SCARB1: variants seen among roughly 807,000 people sequenced by gnomAD.
SCARB1 encodes the protein scavenger receptor class B member 1, also known as CD36 and LIMPII analogous 1.
In SCARB1, 30 loss-of-function variants were observed where a neutral mutation model predicts 57.2. The ratio of observed to expected loss-of-function variants is 0.52; its 90% CI spans 0.39 to 0.71. The LOEUF (loss-of-function observed/expected upper bound fraction) is 0.71. Among genes scored for constraint, SCARB1 ranks in the 30% least tolerant of loss-of-function variants. The pLI is 0.00. For missense variants in SCARB1, 543 were observed against 671.2 expected, an observed-to-expected ratio of 0.81 and a Z score of 2.11; for synonymous variants, 249 against 268.3, an observed-to-expected ratio of 0.93 and a Z score of 0.70.
Position 124,778,135 on chromosome 12 carries a change from G to A in SCARB1, c.*452C>T, listed in dbSNP as rs901958835. 35 of 251,968 alleles carry A rather than the reference G, an allele frequency of 1.4e-4. No individual in the cohort carries two copies. The highest frequency in any genetic ancestry group is 6.4e-4 in the African/African-American group (29 of 45,044). 15.6% of individuals were successfully genotyped at this position (251,968 alleles called of 1,614,324 possible). A position where few individuals can be genotyped will look rare whatever the true frequency, so the allele number is the denominator to read the frequency against. On this transcript the variant is annotated 3_prime_UTR_variant, in exon 13 of 13. Coordinates refer to ENST00000261693, the MANE Select transcript of SCARB1 (RefSeq NM_005505.5). ...CCCACTGAATTTGGCACAGGAAGGC[G>A]GCACTCCCAGCCTGGCCCGTCCTGC...
In SCARB1 at chr12:124,778,586, C is replaced by G; in HGVS notation, c.*1G>C. ...GGCTGGCTCACGGTGTCCTCAGGAC[C>G]CTGTGGAGAAAGGCAAAGCTGGGTG... On this transcript the variant is annotated splice_region_variant and 3_prime_UTR_variant, in exon 13 of 13. Transcript: ENST00000261693. 1.4e-6 allele frequency: 2 copies of G among 1,411,066 alleles called. No homozygotes were observed. 87.4% of individuals were successfully genotyped at this position (1,411,066 alleles called of 1,614,324 possible). A position where few individuals can be genotyped will look rare whatever the true frequency, so the allele number is the denominator to read the frequency against.
At chr12:124,830,747 G>A (rs575465074) in intron 1 of SCARB1, among the ~76,000 whole-genome samples, 5 of 152,152 alleles carry the variant, frequency 3.3e-5, no homozygotes, top group African/African-American at 4.8e-5. Flanking sequence ...ACCTCTAACC[G>A]AAATTGTGCA....
chr12:124,863,623 G>C lies in SCARB1; in HGVS notation c.98C>G (p.Pro33Arg). ...AAGGACCTGCTGCTTGATGAGCGAC[G>C]GCACCATCACGATCATGACAGCGCC... ...VLGAVMIVMV[P>R]SLIKQQVLKN... The change falls in exon 1 of 13, where the codon CCG (proline) becomes CGG (arginine). Residue 33 changes from proline (P) to arginine (R), a missense_variant. Coordinates refer to ENST00000261693, the MANE Select transcript of SCARB1 (RefSeq NM_005505.5). The C allele has an allele frequency of 2.5e-6, 4 of 1,601,362 alleles. No homozygotes were observed. The highest frequency in any genetic ancestry group is 2.2e-5 in the South Asian group (2 of 89,228).
rs573011022 is a variant in SCARB1, at chr12:124,793,924, C to T, written c.1202+1271G>A. ...GGAAACAACTCAAACGTCCATCAAC[C>T]GATAAATAAATGTGGTCTATCCAGA... On this transcript the variant is annotated intron_variant, in intron 9 of 12. Transcript: ENST00000261693. Among the ~76,000 whole-genome samples, 126 of 152,184 alleles carry T rather than the reference C, an allele frequency of 8.3e-4. 1 individual carries two copies. The highest frequency in any genetic ancestry group is 6.8e-3 in the Middle Eastern group (2 of 294).
rs181950732 is a variant in SCARB1 at position 124,797,504 on chromosome 12, G to A, written c.1129-2236C>T. On this transcript the variant is annotated intron_variant, in intron 8 of 12. Transcript: ENST00000261693. ...ATAAAGGCCACTTCCTCTCCCCGTCGGCCTCAAGCTCATCTGGAGGTAGAA... is the reference window on the plus strand; with the variant it reads ...ATAAAGGCCACTTCCTCTCCCCGTCAGCCTCAAGCTCATCTGGAGGTAGAA... Among the ~76,000 whole-genome samples the A allele has an allele frequency of 2.4e-3, 364 of 152,302 alleles. 1 individual carries two copies. The highest frequency in any genetic ancestry group is 1.4e-3 in the Non-Finnish European group (94 of 68,034).
rs751077813 is a variant in SCARB1 at position 124,807,235 on chromosome 12, T to C, written c.1009+526A>G. Among the ~76,000 whole-genome samples, 1 of 151,998 alleles carries C rather than the reference T, an allele frequency of 6.6e-6. No homozygotes were observed. The highest frequency in any genetic ancestry group is 1.5e-5 in the Non-Finnish European group (1 of 67,986). ...AATAATAAACAAGATGGGGAGATTG[T>C]CCTGGGGTATCCAGGAGAGCACGAT... On this transcript the variant is annotated intron_variant, in intron 7 of 12. Coordinates refer to ENST00000261693, the MANE Select transcript of SCARB1 (RefSeq NM_005505.5). This position sits in a 1 kb window ranked among gnomAD's most constrained non-coding sequence, Gnocchi z 5.3.
intron 1 of SCARB1, among the ~76,000 whole-genome samples, chr12:124,832,322 C>G (rs1257547748): frequency 1.3e-5 from 2 of 152,154 alleles, no homozygotes; most frequent in Non-Finnish European, 2.9e-5. Flanking sequence ...GAGTTGGAGA[C>G]TAGCCTGGCC....
chr12:124,786,164 C>T (rs770726968), intron 11 of SCARB1, 193 bp downstream of exon 11: 14 of 1,556,824 alleles, frequency 9.0e-6, no homozygotes, highest in Admixed American at 1.9e-5. Context: ...GTAGTGGCAA[C>T]GCGGCATGCA....
chr12:124,784,382 C>T (rs367730274), intron 11 of SCARB1: 3 of 152,264 alleles, frequency 2.0e-5, no homozygotes, highest in East Asian at 1.9e-4. Context: ...CATTGTTCAT[C>T]GGGAGCTCAA....
In SCARB1 at chr12:124,778,342, C is replaced by A; in HGVS notation, c.*245G>T. On this transcript the variant is annotated 3_prime_UTR_variant, in exon 13 of 13. Transcript: ENST00000261693. The stretch of plus-strand genomic sequence containing the variant: ...TCCAGAACAGTGCTTGTTGACGAGC[C>A]TCTCCCTACAAGTCCCTTCAGCAGC... 1 of 991,248 alleles carries A rather than the reference C, an allele frequency of 1.0e-6. No individual in the cohort carries two copies. 61.4% of individuals were successfully genotyped at this position (991,248 alleles called of 1,614,324 possible). A position where few individuals can be genotyped will look rare whatever the true frequency, so the allele number is the denominator to read the frequency against.
At chr12:124,862,539 A>T (rs1305432498) in intron 1 of SCARB1, 1 of 152,236 alleles carries the variant, frequency 6.6e-6, no homozygotes, top group Non-Finnish European at 1.5e-5. Context: ...ACAAGGAACC[A>T]TTCTTAAGAA....
chr12:124,793,692 CAAAAAAAAAAAA>C (rs71092224), intron 9 of SCARB1, among the ~76,000 whole-genome samples: 2 of 51,534 alleles, frequency 3.9e-5, no homozygotes, highest in South Asian at 7.2e-4. Flanking sequence ...GACTCCGTCT[CAAAAAAAAAAAA>C]AAAAAAAAAA....
At chr12:124,779,373 A>G (rs1161159101) in intron 12 of SCARB1, among the ~76,000 whole-genome samples, 1 of 152,214 alleles carries the variant, frequency 6.6e-6, no homozygotes, top group East Asian at 1.9e-4. Flanking sequence ...TCACATTCAA[A>G]AAGTGACCTC....
At chr12:124,827,883 A>G (rs1352528225) in intron 1 of SCARB1, among the ~76,000 whole-genome samples, 1 of 152,022 alleles carries the variant, frequency 6.6e-6, no homozygotes, top group Non-Finnish European at 1.5e-5. Context: ...ATTGCTGTCC[A>G]TCTGTATCAC....
In SCARB1 at chr12:124,789,544, A is replaced by G. The variant is rs1949648296; in HGVS notation, c.1203-2087T>C. 6.6e-6 allele frequency among the ~76,000 whole-genome samples: 1 copy of G among 152,142 alleles called. No homozygotes were observed. The highest frequency in any genetic ancestry group is 2.1e-4 in the South Asian group (1 of 4,818). On this transcript the variant is annotated intron_variant, in intron 9 of 12. Coordinates refer to ENST00000261693, the MANE Select transcript of SCARB1 (RefSeq NM_005505.5). The surrounding 1 kb of genome is among the most constrained non-coding windows in gnomAD (Gnocchi z 4.4). ...TAGGTGGGTCCATGCAGATATGGTTACATCAAGGTTCTGAGATGGGAAGAG... is the reference window on the plus strand; with the variant it reads ...TAGGTGGGTCCATGCAGATATGGTTGCATCAAGGTTCTGAGATGGGAAGAG...
intron 1 of SCARB1, among the ~76,000 whole-genome samples, chr12:124,857,492 G>C (rs952383286): frequency 5.3e-5 from 8 of 152,282 alleles, no homozygotes; most frequent in African/African-American, 1.9e-4. Context: ...GCTGAGGGAG[G>C]CAGGGGTGAG....
At chr12:124,788,558 AG>A (rs1949607968) in intron 9 of SCARB1, among the ~76,000 whole-genome samples, 1 of 152,242 alleles carries the variant, frequency 6.6e-6, no homozygotes, top group Non-Finnish European at 1.5e-5. Flanking sequence ...CTGGGACCAG[AG>A]GTGACCTTGA....
chr12:124,853,356 C>T (rs565956611), intron 1 of SCARB1, among the ~76,000 whole-genome samples: 1 of 149,872 alleles, frequency 6.7e-6, no homozygotes, highest in South Asian at 2.1e-4. Context: ...AGATTTTATT[C>T]AGCTTCTTGA....
chr12:124,842,691 G>A (rs1027003206), intron 1 of SCARB1, among the ~76,000 whole-genome samples: 1 of 152,210 alleles, frequency 6.6e-6, no homozygotes, highest in African/African-American at 2.4e-5. Context: ...GGTCTTACTG[G>A]AAAGGACCCC....
Sources: allele counts gnomAD v4.1 joint callset (sites outside exome capture counted in the v4.1 genomes callset), GRCh38; gene constraint gnomAD v4.1.1; non-coding constraint Gnocchi (gnomAD v3.1); transcripts MANE v1.5; gene names NCBI Gene and HGNC (gene_info 2026-07-23, HGNC 2026-07-21).